FASN: variants seen among roughly 807,000 people sequenced by gnomAD.
FASN encodes 3-hydroxyacyl-[acyl-carrier-protein] dehydratase.
Under a neutral mutation model 250.0 loss-of-function variants are expected in FASN, and 50 were observed. The ratio of observed to expected loss-of-function variants is 0.20; its 90% confidence interval spans 0.16 to 0.25. FASN has a LOEUF of 0.25. Ranked by LOEUF, FASN falls within the 10% of genes least tolerant of loss-of-function variation. The pLI is 1.00. For synonymous variants in FASN, 1,909 were observed against 1,584.0 expected (o/e 1.21, Z -4.87); for missense variants, 3,031 against 3,498.5 (o/e 0.87, Z 3.37).
rs773684317 is a variant in FASN at position 82,083,873 on chromosome 17, G to T, written c.5117C>A (p.Ala1706Glu). 6.3e-7 allele frequency: 1 copy of T among 1,575,278 alleles called. No individual in the cohort carries two copies. Among genetic ancestry groups the T allele is most frequent in the Admixed American group, 1.9e-5 (1 of 53,142 alleles). The change falls in exon 30 of 43, where the codon GCG (alanine) becomes GAG (glutamate). Residue 1706 changes from alanine to glutamate, a missense_variant. Physicochemically the swap from Ala to Glu is moderately radical, Grantham distance 107. Transcript: ENST00000306749. Reference protein sequence around the residue: ...FTTVGSAEKRAYLQARFPQLD... With the variant: ...FTTVGSAEKREYLQARFPQLD... Reference sequence around the variant, plus strand: ...CTGGGGGAACCTGGCCTGGAGGTACGCCCGCTTCTCAGCCGACCCTGGTGA... The same window carrying T: ...CTGGGGGAACCTGGCCTGGAGGTACTCCCGCTTCTCAGCCGACCCTGGTGA...
In FASN at chr17:82,095,423, C is replaced by T. The variant is rs777509918; in HGVS notation, c.177G>A (p.Arg59=). The T allele has an allele frequency of 2.5e-6, 4 of 1,612,986 alleles. No homozygotes were observed. Among genetic ancestry groups the T allele is most frequent in the Non-Finnish European group, 2.5e-6 (3 of 1,180,012 alleles). ...GGACTCCGAAGAAGGAGGCATCAAA[C>T]CTAGACAGGTCCTTCAGCTTGCCGG... ...RRSGKLKDLS[R]FDASFFGVHP... Residue 59 remains arginine (R), a synonymous_variant, in exon 3 of 43, where the codon AGG becomes AGA. Coordinates refer to ENST00000306749, the MANE Select transcript of FASN (RefSeq NM_004104.5).
At chr17:82,087,624 G>A in intron 19 of FASN, 61 bp downstream of exon 19, 4 of 1,603,564 alleles carry the variant, frequency 2.5e-6, no homozygotes, top group Non-Finnish European at 3.4e-6. Context: ...TGCCCTCTGT[G>A]GTCCCCACAA....
At position 82,089,642 on chromosome 17, in the gene FASN, G is replaced by A. The variant is rs1199734379; in HGVS notation, c.1955C>T (p.Ser652Leu). Reference sequence around the variant, plus strand: ...GGCCGCAGCACCCACCTGAGGTCCCGAGATGGTGACTGTGTCCTTGGAGTT... The same window carrying A: ...GGCCGCAGCACCCACCTGAGGTCCCAAGATGGTGACTGTGTCCTTGGAGTT... ...CHNSKDTVTISGPQAPVFEFV... is the reference protein window; with the variant it reads ...CHNSKDTVTILGPQAPVFEFV... Residue 652 changes from serine to leucine, a missense_variant, in exon 12 of 43, where the codon TCG becomes TTG. Transcript: ENST00000306749. The A allele has an allele frequency of 6.2e-7, 1 of 1,601,684 alleles. No individual in the cohort carries two copies. The highest frequency in any genetic ancestry group is 1.1e-5 in the South Asian group (1 of 89,154).
Position 82,080,883 on chromosome 17 carries a change from T to C in FASN, c.6635A>G (p.Gln2212Arg). The C allele has an allele frequency of 9.3e-6, 15 of 1,611,206 alleles. No homozygotes were observed. The highest frequency in any genetic ancestry group is 1.3e-5 in the Non-Finnish European group (15 of 1,179,524). The change falls in exon 39 of 43, where the codon CAG (glutamine) becomes CGG (arginine). Residue 2212 changes from glutamine to arginine, a missense_variant. Gln to Arg is a conservative substitution (Grantham distance 43). Transcript: ENST00000306749. Reference sequence around the variant, plus strand: ...GCGCAGGTTCAGCTGAGTCTGCTGCTGGGCCAGACCATCCTCCTTGGGCGT... The same window carrying C: ...GCGCAGGTTCAGCTGAGTCTGCTGCCGGGCCAGACCATCCTCCTTGGGCGT... ...CPTPKEDGLA[Q>R]QQTQLNLRSL...
At chr17:82,091,781 G>A (rs989211992) in intron 8 of FASN, 97 bp from the exon 9 acceptor site, 5 of 1,139,712 alleles carry the variant, frequency 4.4e-6, no homozygotes, top group Admixed American at 4.9e-5. Flanking sequence ...TGTGGGGCCA[G>A]GGTTCCAGGG....
In FASN at chr17:82,087,494, C is replaced by G; in HGVS notation, c.3054G>C (p.Gly1018=). The part of the protein sequence containing the change: ...ILEASLEGDS[G]RLLWKDNWVS... ...CCCAGTTATCCTTCCACAGCAGCCT[C>G]CCCGAGTCACCTGCACACAGGGCCT... is the stretch of plus-strand genomic sequence containing the variant. The change falls in exon 20 of 43, where the codon GGG becomes GGC. Residue 1018 remains glycine, a synonymous_variant. Coordinates refer to ENST00000306749, the MANE Select transcript of FASN (RefSeq NM_004104.5). 6.2e-7 allele frequency: 1 copy of G among 1,612,308 alleles called. No individual in the cohort carries two copies. The highest frequency in any genetic ancestry group is 8.5e-7 in the Non-Finnish European group (1 of 1,179,978).
chr17:82,079,712 T>C, intron 41 of FASN, 104 bp from the exon 42 acceptor site: 2 of 1,455,074 alleles, frequency 1.4e-6, no homozygotes, highest in Middle Eastern at 2.3e-4. Context: ...AGTTTCATTT[T>C]TGTTACCCAG....
Position 82,087,851 on chromosome 17 carries a change from G to A in FASN, c.2877C>T (p.Tyr959=), listed in dbSNP as rs2144795472. The A allele has an allele frequency of 6.2e-7, 1 of 1,612,646 alleles. No homozygotes were observed. Among genetic ancestry groups the A allele is most frequent in the South Asian group, 1.1e-5 (1 of 91,084 alleles). ...NGNLVVSGKV[Y]QWDDPDPRLF... Reference sequence around the variant, plus strand: ...GCCTGGGGTCAGGGTCATCCCACTGGTACACCTTCCCTGTGGAAAGGGAGG... The same window carrying A: ...GCCTGGGGTCAGGGTCATCCCACTGATACACCTTCCCTGTGGAAAGGGAGG... Residue 959 remains tyrosine (Y), a synonymous_variant, in exon 19 of 43, where the codon TAC becomes TAT. Transcript: ENST00000306749.
At chr17:82,097,238 G>C (rs2034319329) in intron 1 of FASN, 2 of 152,976 alleles carry the variant, frequency 1.3e-5, no homozygotes, top group Admixed American at 6.5e-5. Context: ...ACCCACAGAC[G>C]CTTGCCTCCC....
At chr17:82,092,342 T>C in intron 8 of FASN, 113 bp downstream of exon 8, 1 of 1,149,574 alleles carries the variant, frequency 8.7e-7, no homozygotes, top group Admixed American at 2.0e-5. Context: ...AGGCTCCTGG[T>C]GGGGAAGCCC....
Position 82,087,102 on chromosome 17 carries a change from C to G in FASN, c.3375G>C (p.Glu1125Asp), listed in dbSNP as rs1172484626. ...GGGCAGCGCGCTCAGACAGGCACCCCTCCTCCGTGTGGGGAGTGAAGCAAA... is the reference window on the plus strand; with the variant it reads ...GGGCAGCGCGCTCAGACAGGCACCCGTCCTCCGTGTGGGGAGTGAAGCAAA... ...EKFCFTPHTE[E>D]GCLSERAALQ... is the part of the protein sequence containing the mutation. The change falls in exon 21 of 43, where the codon GAG (glutamate) becomes GAC (aspartate). Residue 1125 changes from glutamate to aspartate, a missense_variant. Physicochemically the swap from Glu to Asp is conservative, Grantham distance 45 (BLOSUM62 2). Coordinates refer to ENST00000306749, the MANE Select transcript of FASN (RefSeq NM_004104.5). 6.2e-7 allele frequency: 1 copy of G among 1,611,898 alleles called. No individual in the cohort carries two copies. Among genetic ancestry groups the G allele is most frequent in the African/African-American group, 1.3e-5 (1 of 74,900 alleles).
intron 11 of FASN, 46 bp downstream of exon 11, chr17:82,090,329 C>T: frequency 1.3e-6 from 2 of 1,536,210 alleles, no homozygotes; most frequent in Non-Finnish European, 8.8e-7. Context: ...AGCGAGAAGG[C>T]AGCCTCCTTT....
intron 41 of FASN, 65 bp downstream of exon 41, chr17:82,080,075 C>A (rs2033960055): frequency 1.3e-6 from 2 of 1,520,644 alleles, no homozygotes; most frequent in Non-Finnish European, 1.8e-6. Context: ...CCCATCCTTC[C>A]CTTCCCCCTT....
chr17:82,089,296 T>C lies in FASN; in HGVS notation c.2054A>G (p.Tyr685Cys). 1 of 1,612,614 alleles carries C rather than the reference T, an allele frequency of 6.2e-7. No homozygotes were observed. The highest frequency in any genetic ancestry group is 1.3e-5 in the African/African-American group (1 of 74,982). The change falls in exon 13 of 43, where the codon TAC (tyrosine) becomes TGC (cysteine). Residue 685 changes from tyrosine (Y) to cysteine (C), a missense_variant. Coordinates refer to ENST00000306749, the MANE Select transcript of FASN (RefSeq NM_004104.5). ...TGGGGGTGCGATGGCCTCCATGAAG[T>C]AGGAGTGGAAGGCCATACCGCCGGT... Reference protein sequence around the residue: ...VRTGGMAFHSYFMEAIAPPLL... With the variant: ...VRTGGMAFHSCFMEAIAPPLL...
rs1308291477 is a variant in FASN, at chr17:82,098,212, G to C, written c.-99C>G. 2 of 367,616 alleles carry C rather than the reference G, an allele frequency of 5.4e-6. No homozygotes were observed. The highest frequency in any genetic ancestry group is 2.1e-5 in the African/African-American group (1 of 47,162). The allele number at this position is 367,616 out of a possible 1,614,324, so 22.8% of individuals were successfully genotyped here. A position where few individuals can be genotyped will look rare whatever the true frequency, so the allele number is the denominator to read the frequency against. ...CTGAAGCGCGGCGGAGAGGGAGGCC[G>C]GGGCCGCTGCCGTCTCTCTGGCTCC... On this transcript the variant is annotated 5_prime_UTR_variant, in exon 1 of 43. Transcript: ENST00000306749.
chr17:82,085,094 G>C lies in FASN; in HGVS notation c.4350C>G (p.Thr1450=), dbSNP rs746726710. Residue 1450 remains threonine (T), a synonymous_variant, in exon 25 of 43, where the codon ACC becomes ACG. Transcript: ENST00000306749. ...AGTTCACCAAGCCCACCACGCCCGA[G>C]GTGGCACAGTTGATGGCCTTCAGCC... The part of the protein sequence containing the change: ...PVWLKAINCA[T]SGVVGLVNCL... The C allele has an allele frequency of 2.5e-6, 4 of 1,612,684 alleles. No individual in the cohort carries two copies. Among genetic ancestry groups the C allele is most frequent in the Non-Finnish European group, 3.4e-6 (4 of 1,179,914 alleles).
At chr17:82,092,089 G>T (rs1006588345) in intron 8 of FASN, among the ~76,000 whole-genome samples, 3 of 152,172 alleles carry the variant, frequency 2.0e-5, no homozygotes, top group Non-Finnish European at 4.4e-5. Flanking sequence ...TCTGCTAGTG[G>T]GTCAGGAAGC....
intron 2 of FASN, among the ~76,000 whole-genome samples, chr17:82,095,883 A>T (rs1020288451): frequency 6.6e-6 from 1 of 152,026 alleles, no homozygotes; most frequent in East Asian, 1.9e-4. Flanking sequence ...CTGGTATGCA[A>T]CCTCCCAGCT....
chr17:82,083,204 G>C lies in FASN; in HGVS notation c.5563C>G (p.Gln1855Glu). The C allele has an allele frequency of 1.2e-6, 2 of 1,612,432 alleles. No individual in the cohort carries two copies. Among genetic ancestry groups the C allele is most frequent in the Non-Finnish European group, 1.7e-6 (2 of 1,179,956 alleles). ...GGCGCCGGGACTCCTCCCCTCACCT[G>C]CACGACGACTTTGCCAATGTGCTTC... ...QGKHIGKVVV[Q>E]VLAEEPEAVL... The change falls in exon 32 of 43, where the codon CAG (glutamine) becomes GAG (glutamate). Residue 1855 changes from glutamine to glutamate, a missense_variant and splice_region_variant. By Grantham distance (29) the Gln-to-Glu change is conservative. Coordinates refer to ENST00000306749, the MANE Select transcript of FASN (RefSeq NM_004104.5).
Sources: allele counts gnomAD v4.1 joint callset (sites outside exome capture counted in the v4.1 genomes callset), GRCh38; gene constraint gnomAD v4.1.1; transcripts MANE v1.5; gene names NCBI Gene and HGNC (gene_info 2026-07-23, HGNC 2026-07-21).